Variants in FLVCR2 observed in about 807,000 individuals in gnomAD.
The protein encoded by FLVCR2 is choline/ethanolamine transporter FLVCR2.
FLVCR2 carries 38 observed loss-of-function variants against 48.9 expected under a neutral mutation model. The ratio of observed to expected loss-of-function variants is 0.78; its 90% CI spans 0.60 to 1.02. The LOEUF is 1.02. Among genes scored for constraint, FLVCR2 ranks in the 50% least tolerant of loss-of-function variants. The pLI is 0.00. For missense variants in FLVCR2, 664 were observed against 663.3 expected (o/e 1.00, Z -0.01); for synonymous variants, 255 against 257.0 (o/e 0.99, Z 0.07).
intron 1 of FLVCR2, among the ~76,000 whole-genome samples, chr14:75,618,252 C>T (rs1002507140): frequency 6.6e-6 from 1 of 152,104 alleles, no homozygotes; most frequent in African/African-American, 2.4e-5. Flanking sequence ...CAGTATCTCC[C>T]CAACTCCCTT....
Position 75,646,537 on chromosome 14 carries a change from C to T in FLVCR2, c.*65C>T, listed in dbSNP as rs1253316032. ...CCTTTTCCTTCAGCACAGCTCTCAC[C>T]GCCAGCACAAAGGGCTTCGCTAGAG... On this transcript the variant is annotated 3_prime_UTR_variant, in exon 10 of 10. Transcript: ENST00000238667. 5 of 1,181,816 alleles carry T rather than the reference C, an allele frequency of 4.2e-6. No homozygotes were observed. The highest frequency in any genetic ancestry group is 3.0e-5 in the African/African-American group (2 of 66,656). The allele number at this position is 1,181,816 out of a possible 1,614,324, so 73.2% of individuals were successfully genotyped here. A position where few individuals can be genotyped will look rare whatever the true frequency, so the allele number is the denominator to read the frequency against.
At chr14:75,637,422 T>C (rs778919920) in intron 5 of FLVCR2, among the ~76,000 whole-genome samples, 6 of 152,180 alleles carry the variant, frequency 3.9e-5, no homozygotes, top group Non-Finnish European at 7.3e-5. Flanking sequence ...GGGTGATGTG[T>C]AAAGAAAAGC....
intron 3 of FLVCR2, among the ~76,000 whole-genome samples, chr14:75,630,384 A>C: frequency 6.6e-6 from 1 of 152,120 alleles, no homozygotes; most frequent in East Asian, 1.9e-4. Flanking sequence ...GTATTCTCAA[A>C]TTCCAGACAT....
At position 75,639,711 on chromosome 14, in the gene FLVCR2, CAG is replaced by C. The variant is rs200068424; in HGVS notation, c.1235+252_1235+253del. On this transcript the variant is annotated intron_variant, in intron 6 of 9. Transcript: ENST00000238667. ...GACCTCTTGGAGGCTAGAACCTGTT[CAG>C]AGTCTTTTTCAGTTTTGCCTGGACA... Among the ~76,000 whole-genome samples the C allele has an allele frequency of 6.0e-3, 913 of 152,224 alleles. 2 individuals carry two copies. Among genetic ancestry groups the C allele is most frequent in the Middle Eastern group, 0.01 (3 of 294 alleles).
intron 9 of FLVCR2, among the ~76,000 whole-genome samples, chr14:75,642,695 A>G (rs1202698334): frequency 6.6e-6 from 1 of 152,236 alleles, no homozygotes; most frequent in Non-Finnish European, 1.5e-5. Context: ...TAATTTCATC[A>G]TTTAGAGATG....
At chr14:75,595,453 A>G (rs1486298569) in intron 1 of FLVCR2, among the ~76,000 whole-genome samples, 1 of 152,214 alleles carries the variant, frequency 6.6e-6, no homozygotes, top group Non-Finnish European at 1.5e-5. Context: ...TCACCCAGAG[A>G]GGCTGAGAGT....
intron 9 of FLVCR2, among the ~76,000 whole-genome samples, chr14:75,643,691 A>G (rs553512930): frequency 4.4e-4 from 67 of 152,360 alleles, no homozygotes; most frequent in Admixed American, 2.4e-3. Context: ...AAGGCCTTTC[A>G]GCAGGAATGA....
chr14:75,600,773 G>A (rs1042435957), intron 1 of FLVCR2, among the ~76,000 whole-genome samples: 1 of 151,776 alleles, frequency 6.6e-6, no homozygotes, highest in Admixed American at 6.6e-5. Flanking sequence ...GCTATTAACA[G>A]ACTAAAAAAG....
intron 1 of FLVCR2, among the ~76,000 whole-genome samples, chr14:75,589,712 T>C (rs377735569): frequency 4.7e-4 from 72 of 152,348 alleles, no homozygotes; most frequent in African/African-American, 1.6e-3. Flanking sequence ...CTCTGAAATC[T>C]AGATGGAAGC....
intron 1 of FLVCR2, among the ~76,000 whole-genome samples, chr14:75,589,297 A>G (rs1331902810): frequency 4.6e-5 from 7 of 152,252 alleles, no homozygotes; most frequent in Admixed American, 3.9e-4. Flanking sequence ...ACATTCACAC[A>G]TACCAAAAAG....
rs1889782213 is a variant in FLVCR2 at position 75,622,124 on chromosome 14, A to G, written c.715A>G (p.Asn239Asp). ...CTTGGTCCCTCCTGTTTTGGTACCC[A>G]ACATTGAAGACCGGGACGAGCTTGC... ...GFLVPPVLVPNIEDRDELAYH... is the reference protein window; with the variant it reads ...GFLVPPVLVPDIEDRDELAYH... Residue 239 changes from asparagine (N) to aspartate (D), a missense_variant, in exon 2 of 10, where the codon AAC (asparagine) becomes GAC (aspartate). Physicochemically the swap from Asn to Asp is conservative, Grantham distance 23 (BLOSUM62 1). Coordinates refer to ENST00000238667, the MANE Select transcript of FLVCR2 (RefSeq NM_017791.3). The G allele has an allele frequency of 6.2e-7, 1 of 1,614,130 alleles. No homozygotes were observed. Among genetic ancestry groups the G allele is most frequent in the Non-Finnish European group, 8.5e-7 (1 of 1,180,012 alleles).
chr14:75,582,616 C>T (rs1005699303), intron 1 of FLVCR2, among the ~76,000 whole-genome samples: 16 of 151,998 alleles, frequency 1.1e-4, no homozygotes, highest in African/African-American at 3.6e-4. Context: ...GGTGTGGTCC[C>T]GGCTGTTGTG....
chr14:75,597,377 G>A (rs190876811), intron 1 of FLVCR2, among the ~76,000 whole-genome samples: 17 of 152,140 alleles, frequency 1.1e-4, no homozygotes, highest in East Asian at 5.8e-4. Flanking sequence ...CTCCTTCCTC[G>A]AAAAGCTCTC....
intron 1 of FLVCR2, among the ~76,000 whole-genome samples, chr14:75,592,835 A>T (rs901528419): frequency 6.6e-6 from 1 of 152,188 alleles, no homozygotes; most frequent in Non-Finnish European, 1.5e-5. Context: ...AAAAGAAAAA[A>T]AAAAAGAAAT....
intron 1 of FLVCR2, chr14:75,595,839 GC>G (rs1291380271): frequency 7.0e-5 from 64 of 918,600 alleles, no homozygotes; most frequent in Non-Finnish European, 1.0e-4. Flanking sequence ...ACCAACATTG[GC>G]CTTTGCAGTC....
At chr14:75,629,451 T>A (rs1024032087) in intron 3 of FLVCR2, among the ~76,000 whole-genome samples, 8 of 152,152 alleles carry the variant, frequency 5.3e-5, no homozygotes, top group African/African-American at 1.9e-4. Flanking sequence ...ACTTTGGCAA[T>A]GTGGGAAGAC....
intron 1 of FLVCR2, among the ~76,000 whole-genome samples, chr14:75,586,129 G>A (rs146105451): frequency 7.6e-4 from 116 of 152,332 alleles, no homozygotes; most frequent in Admixed American, 2.3e-3. Flanking sequence ...CAACAAGGCT[G>A]CTTATTTCAC....
At chr14:75,610,325 C>T (rs945964549) in intron 1 of FLVCR2, among the ~76,000 whole-genome samples, 1 of 152,186 alleles carries the variant, frequency 6.6e-6, no homozygotes, top group East Asian at 1.9e-4. Context: ...AGGACAACTT[C>T]AAGGGGAACA....
chr14:75,621,888 G>A lies in FLVCR2; in HGVS notation c.670-191G>A, dbSNP rs77304161. Among the ~76,000 whole-genome samples, 2,277 of 152,284 alleles carry A rather than the reference G, an allele frequency of 0.015. 72 individuals are homozygous for A. Among genetic ancestry groups the A allele is most frequent in the African/African-American group, 0.052 (2,146 of 41,544 alleles). ...GCATTGATAGTGAGGGTGGTCAGAA[G>A]GATGTATGAGCCAAAATGTCAGTCA... is the stretch of plus-strand genomic sequence containing the variant. On this transcript the variant is annotated intron_variant, in intron 1 of 9. Coordinates refer to ENST00000238667, the MANE Select transcript of FLVCR2 (RefSeq NM_017791.3).
Sources: allele counts gnomAD v4.1 joint callset (sites outside exome capture counted in the v4.1 genomes callset), GRCh38; gene constraint gnomAD v4.1.1; transcripts MANE v1.5; gene names NCBI Gene and HGNC (gene_info 2026-07-23, HGNC 2026-07-21).